Variants in TAFA2 observed in about 807,000 individuals in gnomAD.
TAFA2 encodes the protein chemokine-like protein TAFA-2.
A neutral mutation model predicts 18.8 loss-of-function variants in TAFA2; 7 were observed. The observed-to-expected ratio is 0.37, with a 90% CI of 0.21 to 0.70. TAFA2 has a LOEUF of 0.70. TAFA2 is among the 30% of genes least tolerant of loss of function. TAFA2 has a pLI of 0.53. For missense variants in TAFA2, 122 were observed against 158.1 expected, an observed-to-expected ratio of 0.77 and a Z score of 1.23; for synonymous variants, 60 against 54.2, an observed-to-expected ratio of 1.11 and a Z score of -0.47.
intron 1 of TAFA2, among the ~76,000 whole-genome samples, chr12:62,145,195 T>C (rs2062271654): frequency 6.6e-6 from 1 of 152,128 alleles, no homozygotes; most frequent in African/African-American, 2.4e-5. Context: ...GGGGTCCCCA[T>C]CCACCAGGCC....
At chr12:61,973,377 T>C (rs1241275751) in intron 1 of TAFA2, among the ~76,000 whole-genome samples, 2 of 146,464 alleles carry the variant, frequency 1.4e-5, no homozygotes, top group East Asian at 2.1e-4. Context: ...TCTGATTTCC[T>C]TGGAAAATAT....
At chr12:61,815,939 G>A (rs1249513071) in intron 2 of TAFA2, among the ~76,000 whole-genome samples, 2 of 150,882 alleles carry the variant, frequency 1.3e-5, no homozygotes, top group Non-Finnish European at 2.9e-5. Context: ...TAAACCAAGG[G>A]GATAAATTAT....
intron 2 of TAFA2, among the ~76,000 whole-genome samples, chr12:61,780,780 C>A (rs548475378): frequency 6.6e-6 from 1 of 151,766 alleles, no homozygotes; most frequent in East Asian, 2.0e-4. Flanking sequence ...CTTTATGTCA[C>A]CAGAGTTGGG....
chr12:61,921,471 A>G (rs1048848755), intron 1 of TAFA2, among the ~76,000 whole-genome samples: 1 of 152,094 alleles, frequency 6.6e-6, no homozygotes, highest in African/African-American at 2.4e-5. Flanking sequence ...GAAGAATAGA[A>G]TTGCCCCTGT....
intron 1 of TAFA2, among the ~76,000 whole-genome samples, chr12:62,054,943 G>A (rs1271376790): frequency 6.6e-6 from 1 of 152,128 alleles, no homozygotes; most frequent in African/African-American, 2.4e-5. Flanking sequence ...CATACATATA[G>A]TAGGTTTTTC....
chr12:62,000,571 A>G (rs1177706898), intron 1 of TAFA2, among the ~76,000 whole-genome samples: 1 of 146,588 alleles, frequency 6.8e-6, no homozygotes. Context: ...CTCTACAGCA[A>G]TACTACAGTG....
At chr12:62,162,034 T>C (rs1332586431) in intron 1 of TAFA2, among the ~76,000 whole-genome samples, 2 of 152,240 alleles carry the variant, frequency 1.3e-5, no homozygotes, top group East Asian at 3.8e-4. Flanking sequence ...TGAAATGTGT[T>C]AAGTTCTTTC....
intron 2 of TAFA2, among the ~76,000 whole-genome samples, chr12:61,825,169 C>T (rs189629063): frequency 1.3e-5 from 2 of 152,030 alleles, no homozygotes; most frequent in East Asian, 3.9e-4. Context: ...TTGGAAAAAG[C>T]AAAAGTACAG....
chr12:62,118,136 C>T (rs918284272), intron 1 of TAFA2, among the ~76,000 whole-genome samples: 1 of 152,090 alleles, frequency 6.6e-6, no homozygotes, highest in African/African-American at 2.4e-5. Flanking sequence ...ATCCCATACT[C>T]ATTATTCCCT....
At chr12:61,832,160 C>T (rs924536601) in intron 2 of TAFA2, among the ~76,000 whole-genome samples, 4 of 151,988 alleles carry the variant, frequency 2.6e-5, no homozygotes, top group Non-Finnish European at 4.4e-5. Context: ...ATCAGTGCTG[C>T]CCTTAGTAAC....
chr12:62,082,305 T>C (rs11174302), intron 1 of TAFA2, among the ~76,000 whole-genome samples: 60 of 152,338 alleles, frequency 3.9e-4, no homozygotes, highest in Non-Finnish European at 7.2e-4. Context: ...TTTGGGTATA[T>C]ACCAGTAATG....
intron 1 of TAFA2, chr12:62,139,997 T>C (rs1284287897): frequency 1.3e-5 from 2 of 152,158 alleles, no homozygotes; most frequent in African/African-American, 2.4e-5. Context: ...CATTGCCATT[T>C]ATTATTGTTT....
rs557569330 is a variant in TAFA2, at chr12:61,783,790, T to C, written c.107-28766A>G. ...CTCTACTGCAAACTATAGAAGTCAG[T>C]GTCCTATATTGATATTTCTTGAGAA... On this transcript the variant is annotated intron_variant, in intron 2 of 4. Transcript: ENST00000416284. Among the ~76,000 whole-genome samples, 4 of 151,732 alleles carry C rather than the reference T, an allele frequency of 2.6e-5. No homozygotes were observed. In the South Asian group the frequency reaches 8.3e-4, roughly 31 times the overall value.
At chr12:61,810,896 A>G (rs1871839119) in intron 2 of TAFA2, among the ~76,000 whole-genome samples, 1 of 151,330 alleles carries the variant, frequency 6.6e-6, no homozygotes, top group African/African-American at 2.5e-5. Context: ...AAGATCAGGT[A>G]GAACTGAGAC....
intron 1 of TAFA2, among the ~76,000 whole-genome samples, chr12:61,931,319 G>A (rs1303441166): frequency 6.6e-6 from 1 of 152,050 alleles, no homozygotes; most frequent in Non-Finnish European, 1.5e-5. Context: ...CAGGTACCTT[G>A]GTTCATATGA....
At position 62,022,939 on chromosome 12, in the gene TAFA2, ACT is replaced by A. The variant is rs561620677; in HGVS notation, c.-1-155515_-1-155514del. Among the ~76,000 whole-genome samples, 366 of 152,290 alleles carry A rather than the reference ACT, an allele frequency of 2.4e-3. 2 individuals carry two copies. The highest frequency in any genetic ancestry group is 8.0e-3 in the African/African-American group (334 of 41,572). On this transcript the variant is annotated intron_variant, in intron 1 of 4. Transcript: ENST00000416284. ...GCAATCACAAACCTGAACCACAGTC[ACT>A]GTTTCCCCCTCTGCCTAGGATTATA...
At chr12:61,990,351 T>G (rs963973256) in intron 1 of TAFA2, among the ~76,000 whole-genome samples, 24 of 147,774 alleles carry the variant, frequency 1.6e-4, no homozygotes, top group African/African-American at 5.8e-4. Flanking sequence ...TTTTTTTTTT[T>G]TTTTTTGAGG....
At chr12:62,117,507 A>C (rs751333050) in intron 1 of TAFA2, among the ~76,000 whole-genome samples, 1 of 152,186 alleles carries the variant, frequency 6.6e-6, no homozygotes, top group Non-Finnish European at 1.5e-5. Context: ...GACCCCACAT[A>C]TTTCCAACAG....
chr12:62,011,302 A>G (rs1246738413), intron 1 of TAFA2, among the ~76,000 whole-genome samples: 1 of 152,108 alleles, frequency 6.6e-6, no homozygotes, highest in Non-Finnish European at 1.5e-5. Context: ...TTTTGTTGAA[A>G]GGAAAAGGGG....
Sources: gnomAD v4.1 joint callset for allele counts (sites outside exome capture counted in the v4.1 genomes callset) on GRCh38, gnomAD v4.1.1 for gene constraint, MANE v1.5 for transcripts, NCBI Gene and HGNC (gene_info 2026-07-23, HGNC 2026-07-21) for gene names.